Variants in C16orf96 observed in about 807,000 individuals in gnomAD.
C16orf96 encodes uncharacterized protein C16orf96.
A neutral mutation model predicts 103.6 loss-of-function variants in C16orf96; 108 were observed. That is an observed-to-expected ratio of 1.04 (90% CI 0.89 to 1.22). The LOEUF (loss-of-function observed/expected upper bound fraction) is 1.22. C16orf96 is among the 50% of genes most tolerant of loss of function. The pLI is 0.00. For synonymous variants in C16orf96, 566 were observed against 593.5 expected (o/e 0.95, Z 0.67); for missense variants, 1,586 against 1,464.2 (o/e 1.08, Z -1.36).
chr16:4,597,482 T>A (rs958496575), intron 14 of C16orf96, among the ~76,000 whole-genome samples: 2 of 151,992 alleles, frequency 1.3e-5, no homozygotes, highest in Non-Finnish European at 2.9e-5. Context: ...GGGAGGGGCT[T>A]TCCCCCTTGG....
the C16orf96 span, among the ~76,000 whole-genome samples, chr16:4,543,514 CAG>C: frequency 6.6e-6 from 1 of 151,900 alleles, no homozygotes; most frequent in Non-Finnish European, 1.5e-5. Context: ...AAAATAGAAA[CAG>C]GGTCTCACTA....
At chr16:4,581,165 T>TATAA (rs2059583017) in intron 7 of C16orf96, among the ~76,000 whole-genome samples, 1 of 120,304 alleles carries the variant, frequency 8.3e-6, no homozygotes. Flanking sequence ...TATATATATA[T>TATAA]ATATATATAT....
intron 9 of C16orf96, 138 bp downstream of exon 9, chr16:4,588,469 GGTTTCCT>G: frequency 1.0e-6 from 1 of 976,532 alleles, no homozygotes; most frequent in Non-Finnish European, 1.5e-6. Context: ...GGTGGCTCAG[GGTTTCCT>G]GTGAAATTGC....
the C16orf96 span, among the ~76,000 whole-genome samples, chr16:4,539,041 G>T: frequency 6.6e-6 from 1 of 152,170 alleles, no homozygotes. Flanking sequence ...CTCCAGGGCT[G>T]CATTTTTTCT....
chr16:4,543,164 G>C, the C16orf96 span, among the ~76,000 whole-genome samples: 1 of 152,188 alleles, frequency 6.6e-6, no homozygotes, highest in Non-Finnish European at 1.5e-5. Context: ...GAAGGCTTCA[G>C]AGAGGAGGAC....
At position 4,556,687 on chromosome 16, in the gene C16orf96, C is replaced by T. The variant is rs373790512; in HGVS notation, c.198C>T (p.Asp66=). ...TGGTCATCATGCCCAGGGAAGGAGA[C>T]GCCCAGCCTATCCTCAACCCCATGA... is the stretch of plus-strand genomic sequence containing the variant. The part of the protein sequence containing the change: ...SQVVIMPREG[D]AQPILNPMKR... The change falls in exon 1 of 16, where the codon GAC becomes GAT. Residue 66 remains aspartate, a synonymous_variant. Transcript: ENST00000444310. 2.7e-5 allele frequency: 42 copies of T among 1,551,532 alleles called. No homozygotes were observed. Among genetic ancestry groups the T allele is most frequent in the African/African-American group, 9.6e-5 (7 of 73,176 alleles).
intron 1 of C16orf96, chr16:4,562,963 T>G (rs2059347569): frequency 1.5e-6 from 2 of 1,349,906 alleles, no homozygotes; most frequent in African/African-American, 2.9e-5. Flanking sequence ...ACTTTGCCTT[T>G]AAAATCTTGA....
rs903384586 is a variant in C16orf96 at position 4,592,404 on chromosome 16, G to C, written c.2774+37G>C. ...CGCCCAGGGTGCCCCGGCCCTAAGG[G>C]CTTGTGGGGCCCATGGAGGTCATCT... is the stretch of plus-strand genomic sequence containing the variant. On this transcript the variant is annotated intron_variant, in intron 11 of 15. Coordinates refer to ENST00000444310, the MANE Select transcript of C16orf96 (RefSeq NM_001145011.2). 1.7e-5 allele frequency: 26 copies of C among 1,550,410 alleles called. 1 individual carries two copies. Among genetic ancestry groups the C allele is most frequent in the Non-Finnish European group, 2.2e-5 (25 of 1,146,624 alleles).
chr16:4,577,954 CAA>C (rs1378787688), intron 5 of C16orf96, among the ~76,000 whole-genome samples: 1 of 144,520 alleles, frequency 6.9e-6, no homozygotes. Flanking sequence ...CTCCTCAAAA[CAA>C]AAAAAAAAGC....
intron 1 of C16orf96, among the ~76,000 whole-genome samples, chr16:4,564,624 G>A (rs932472080): frequency 5.3e-5 from 8 of 152,094 alleles, no homozygotes; most frequent in Non-Finnish European, 1.2e-4. Flanking sequence ...CAGCCTGGCC[G>A]ATGTGGCAAA....
chr16:4,582,488 T>C (rs879721526), intron 7 of C16orf96, among the ~76,000 whole-genome samples: 30 of 152,050 alleles, frequency 2.0e-4, no homozygotes, highest in Non-Finnish European at 3.2e-4. Flanking sequence ...TTGAGGCAAC[T>C]TTGAATGGAA....
Position 4,579,202 on chromosome 16 carries a change from G to A in C16orf96, c.2241+177G>A, listed in dbSNP as rs534598407. 0.018 allele frequency among the ~76,000 whole-genome samples: 352 copies of A among 19,722 alleles called. 1 individual carries two copies. The South Asian group carries it at 0.22, about 12-fold the overall frequency. The allele number at this position is 19,722 out of a possible 152,430, so 12.9% of individuals were successfully genotyped here. A position where few individuals can be genotyped will look rare whatever the true frequency, so the allele number is the denominator to read the frequency against. ...CCTCTCAAAGCTGATTCACTGGTGC[G>A]GTGGGGGGGCCCAGCAGGTGTGGGG... On this transcript the variant is annotated intron_variant, in intron 6 of 15. Coordinates refer to ENST00000444310, the MANE Select transcript of C16orf96 (RefSeq NM_001145011.2).
At position 4,600,585 on chromosome 16, in the gene C16orf96, G is replaced by A; in HGVS notation, c.*268G>A. The A allele has an allele frequency of 2.2e-6, 1 of 446,714 alleles. No individual in the cohort carries two copies. Among genetic ancestry groups the A allele is most frequent in the South Asian group, 2.1e-5 (1 of 46,984 alleles). The allele number at this position is 446,714 out of a possible 1,614,324, so 27.7% of individuals were successfully genotyped here. A position where few individuals can be genotyped will look rare whatever the true frequency, so the allele number is the denominator to read the frequency against. ...AAGTCCCGTCCCCGGCTGAGACCCA[G>A]GGCCCTGAGCCTGGCCCAGAAAGGG... On this transcript the variant is annotated 3_prime_UTR_variant, in exon 16 of 16. Transcript: ENST00000444310.
chr16:4,545,859 C>T, the C16orf96 span, among the ~76,000 whole-genome samples: 1 of 151,810 alleles, frequency 6.6e-6, no homozygotes, highest in Admixed American at 6.6e-5. Context: ...CTTTTTCTTT[C>T]ATTTTTTTGA....
chr16:4,573,480 T>C (rs1310806649), intron 2 of C16orf96, among the ~76,000 whole-genome samples: 16 of 138,508 alleles, frequency 1.2e-4, no homozygotes, highest in South Asian at 4.7e-4. Context: ...TGGGGCGGCA[T>C]GGTGGTTCAC....
At position 4,594,891 on chromosome 16, in the gene C16orf96, C is replaced by G; in HGVS notation, c.3127+88C>G. 2 of 1,355,028 alleles carry G rather than the reference C, an allele frequency of 1.5e-6. 1 individual carries two copies. The highest frequency in any genetic ancestry group is 2.6e-5 in the South Asian group (2 of 77,070). The allele number at this position is 1,355,028 out of a possible 1,614,324, so 83.9% of individuals were successfully genotyped here. A position where few individuals can be genotyped will look rare whatever the true frequency, so the allele number is the denominator to read the frequency against. ...GAGAGGGTGCAGGTGGGGCCCAGAG[C>G]CAGCACTATCCCTGACCGGGGAGTC... On this transcript the variant is annotated intron_variant, in intron 14 of 15. Coordinates refer to ENST00000444310, the MANE Select transcript of C16orf96 (RefSeq NM_001145011.2).
chr16:4,550,767 C>T, the C16orf96 span, among the ~76,000 whole-genome samples: 2 of 152,216 alleles, frequency 1.3e-5, no homozygotes, highest in African/African-American at 4.8e-5. Context: ...CCAAGCTGCT[C>T]TCCTGGCATG....
chr16:4,583,461 A>C (rs1896841304), intron 7 of C16orf96, among the ~76,000 whole-genome samples: 1 of 151,322 alleles, frequency 6.6e-6, no homozygotes, highest in Non-Finnish European at 1.5e-5. Context: ...AGCTGAGGTC[A>C]TGCCACTGCA....
At chr16:4,576,968 G>A (rs977879622) in intron 5 of C16orf96, among the ~76,000 whole-genome samples, 1 of 152,074 alleles carries the variant, frequency 6.6e-6, no homozygotes, top group African/African-American at 2.4e-5. Context: ...GAGGTGGGCG[G>A]ATCACCTGAG....
Sources: gnomAD v4.1 joint callset for allele counts (sites outside exome capture counted in the v4.1 genomes callset) on GRCh38, gnomAD v4.1.1 for gene constraint, MANE v1.5 for transcripts, NCBI Gene and HGNC (gene_info 2026-07-23, HGNC 2026-07-21) for gene names.